The following SNX9 variants were observed in gnomAD, a reference collection of about 807,000 sequenced individuals.
The protein encoded by SNX9 is sorting nexin 9.
In SNX9, 44 loss-of-function variants were observed where a neutral mutation model predicts 89.4. The ratio of observed to expected loss-of-function variants is 0.49; its 90% CI spans 0.39 to 0.63. The LOEUF is 0.63. Ranked by LOEUF, SNX9 falls within the 30% of genes least tolerant of loss-of-function variation. The pLI is 0.00. For missense variants in SNX9, 578 were observed against 736.1 expected (o/e 0.79, Z 2.49); for synonymous variants, 236 against 247.8 (o/e 0.95, Z 0.45).
At chr6:157,942,689 A>G in intron 17 of SNX9, 102 bp from the exon 18 acceptor site, 1 of 1,259,974 alleles carries the variant, frequency 7.9e-7, no homozygotes, top group South Asian at 1.3e-5. Context: ...AAAGAATTGG[A>G]ATTTGTGTCA....
At chr6:157,869,885 A>C (rs999608318) in intron 2 of SNX9, among the ~76,000 whole-genome samples, 8 of 152,036 alleles carry the variant, frequency 5.3e-5, no homozygotes, top group African/African-American at 1.9e-4. Flanking sequence ...ATGCGTGCAC[A>C]TGCACACACA....
chr6:157,940,527 C>T (rs1164290968), intron 16 of SNX9, among the ~76,000 whole-genome samples: 3 of 152,340 alleles, frequency 2.0e-5, no homozygotes, highest in East Asian at 3.9e-4. Flanking sequence ...AAGCAATTCT[C>T]CTGCCTCGGC....
intron 2 of SNX9, among the ~76,000 whole-genome samples, chr6:157,871,642 C>T (rs968769646): frequency 2.0e-5 from 3 of 151,832 alleles, no homozygotes; most frequent in African/African-American, 7.3e-5. Flanking sequence ...CAAACCTGCA[C>T]GTTGTGCACA....
At chr6:157,919,738 CTGTT>C (rs533542467) in intron 9 of SNX9, among the ~76,000 whole-genome samples, 251 of 152,194 alleles carry the variant, frequency 1.6e-3, no homozygotes, top group Admixed American at 3.4e-3. Context: ...TGTCTATTGA[CTGTT>C]TGTTTTTTTC....
intron 1 of SNX9, among the ~76,000 whole-genome samples, chr6:157,864,384 C>T (rs1262720539): frequency 6.6e-6 from 1 of 152,170 alleles, no homozygotes; most frequent in Non-Finnish European, 1.5e-5. Context: ...TCCAAACCCT[C>T]TAACCTTAGC....
chr6:157,872,770 G>T, intron 2 of SNX9: 1 of 166,868 alleles, frequency 6.0e-6, no homozygotes. Flanking sequence ...CCTGGGATGC[G>T]CATCCCACCG....
intron 4 of SNX9, among the ~76,000 whole-genome samples, chr6:157,892,302 T>G (rs1471500551): frequency 6.6e-6 from 1 of 151,974 alleles, no homozygotes; most frequent in East Asian, 1.9e-4. Context: ...AGCCAGTGAT[T>G]GGTTACAGTT....
In SNX9 at chr6:157,823,314, G is replaced by C; in HGVS notation, c.-121G>C. On this transcript the variant is annotated 5_prime_UTR_variant, in exon 1 of 18. Coordinates refer to ENST00000392185, the MANE Select transcript of SNX9 (RefSeq NM_016224.5). The surrounding 1 kb of genome is among the most constrained non-coding windows in gnomAD (Gnocchi z 4.6). ...TCGGGGCCGAGGCGGAGGAGCGGCC[G>C]CCGCGCCGGGGCCCAGCCGGAGCCG... 1.1e-6 allele frequency: 1 copy of C among 892,652 alleles called. No homozygotes were observed. The highest frequency in any genetic ancestry group is 1.4e-6 in the Non-Finnish European group (1 of 703,654). The allele number at this position is 892,652 out of a possible 1,614,324, so 55.3% of individuals were successfully genotyped here. A position where few individuals can be genotyped will look rare whatever the true frequency, so the allele number is the denominator to read the frequency against.
At chr6:157,936,400 T>C (rs1292869281) in intron 14 of SNX9, among the ~76,000 whole-genome samples, 1 of 152,060 alleles carries the variant, frequency 6.6e-6, no homozygotes, top group Non-Finnish European at 1.5e-5. Context: ...TCCCAGCTAC[T>C]CGGGAGGCTG....
rs550888033 is a variant in SNX9, at chr6:157,843,052, T to A, written c.12+19606T>A. ...GACAGCTTAAAGGTTACAAGCAAGATAGAGTTGGTTAGGTCTGATTTCTTT... is the reference window on the plus strand; with the variant it reads ...GACAGCTTAAAGGTTACAAGCAAGAAAGAGTTGGTTAGGTCTGATTTCTTT... On this transcript the variant is annotated intron_variant, in intron 1 of 17. Transcript: ENST00000392185. 2.0e-5 allele frequency among the ~76,000 whole-genome samples: 3 copies of A among 152,262 alleles called. No homozygotes were observed. The South Asian group carries it at 6.2e-4, about 32-fold the overall frequency.
At chr6:157,858,620 C>T (rs1371295965) in intron 1 of SNX9, among the ~76,000 whole-genome samples, 1 of 152,056 alleles carries the variant, frequency 6.6e-6, no homozygotes, top group African/African-American at 2.4e-5. Context: ...TTACAATCTA[C>T]CTTGATGTAT....
intron 1 of SNX9, among the ~76,000 whole-genome samples, chr6:157,829,921 T>G (rs1440565198): frequency 6.6e-6 from 1 of 152,178 alleles, no homozygotes; most frequent in Non-Finnish European, 1.5e-5. Flanking sequence ...CCCAACTTTG[T>G]GGAAGGTTTG....
intron 1 of SNX9, among the ~76,000 whole-genome samples, chr6:157,840,282 G>A (rs1343139379): frequency 6.6e-6 from 1 of 152,182 alleles, no homozygotes; most frequent in Non-Finnish European, 1.5e-5. Flanking sequence ...GGGAGCTCAG[G>A]GAAGAGGGGC....
intron 1 of SNX9, among the ~76,000 whole-genome samples, chr6:157,834,501 C>T (rs1453597345): frequency 1.4e-5 from 2 of 148,042 alleles, no homozygotes; most frequent in African/African-American, 5.1e-5. Flanking sequence ...TGTGTGCCAC[C>T]CCCCCGGCCA....
In SNX9 at chr6:157,943,509, AC is replaced by A. The variant is rs1411982110; in HGVS notation, c.*675del. ...CCCACAGCCTGGCAGATGAGCAGAT[AC>A]CCCTGGCCACCCATGTCCTCAGCGA... On this transcript the variant is annotated 3_prime_UTR_variant, in exon 18 of 18. Coordinates refer to ENST00000392185, the MANE Select transcript of SNX9 (RefSeq NM_016224.5). 1.3e-5 allele frequency: 2 copies of A among 152,190 alleles called. No homozygotes were observed. Among genetic ancestry groups the A allele is most frequent in the East Asian group, 1.9e-4 (1 of 5,190 alleles). 9.4% of individuals were successfully genotyped at this position (152,190 alleles called of 1,614,324 possible).
At chr6:157,906,072 G>C in intron 6 of SNX9, 56 bp from the exon 7 acceptor site, 1 of 1,466,988 alleles carries the variant, frequency 6.8e-7, no homozygotes, top group Non-Finnish European at 9.4e-7. Flanking sequence ...GACGAGAGTT[G>C]TAAAATTCTT....
At chr6:157,830,816 C>A (rs1394158799) in intron 1 of SNX9, among the ~76,000 whole-genome samples, 1 of 152,132 alleles carries the variant, frequency 6.6e-6, no homozygotes, top group East Asian at 1.9e-4. Flanking sequence ...TTTCTCCATT[C>A]TTTCTTTCTG....
chr6:157,902,258 ATTTAT>A (rs1276691957), intron 6 of SNX9, among the ~76,000 whole-genome samples: 9 of 152,102 alleles, frequency 5.9e-5, no homozygotes, highest in Admixed American at 5.9e-4. Context: ...TAAGTGAAAT[ATTTAT>A]TTTATTTAAT....
intron 6 of SNX9, among the ~76,000 whole-genome samples, chr6:157,904,380 G>A (rs907517432): frequency 1.3e-5 from 2 of 152,068 alleles, no homozygotes; most frequent in Admixed American, 6.6e-5. Flanking sequence ...GTTGCAGTGA[G>A]CCGAGATGGC....
Sources: allele counts gnomAD v4.1 joint callset (sites outside exome capture counted in the v4.1 genomes callset), GRCh38; gene constraint gnomAD v4.1.1; non-coding constraint Gnocchi (gnomAD v3.1); transcripts MANE v1.5; gene names NCBI Gene and HGNC (gene_info 2026-07-23, HGNC 2026-07-21).